The following LINGO2 variants were observed in gnomAD, a reference collection of about 807,000 sequenced individuals.
LINGO2 encodes the protein leucine rich repeat and Ig domain containing 2, also known as leucine-rich repeat and immunoglobulin-like domain-containing nogo receptor-interacting protein 2.
Under a neutral mutation model 30.6 loss-of-function variants are expected in LINGO2, and 14 were observed. The observed-to-expected ratio is 0.46, with a 90% CI of 0.30 to 0.72. The LOEUF (loss-of-function observed/expected upper bound fraction) is 0.72, where lower values mean the gene tolerates loss of function less well. LINGO2 is among the 30% of genes least tolerant of loss of function. LINGO2 has a pLI of 0.07. For missense variants in LINGO2, 729 were observed against 751.7 expected (o/e 0.97, Z 0.35); for synonymous variants, 317 against 288.5 (o/e 1.10, Z -1.00).
At position 28,555,887 on chromosome 9, in the gene LINGO2, A is replaced by C. The variant is rs905632429; in HGVS notation, c.-364-79862T>G. Among the ~76,000 whole-genome samples the C allele has an allele frequency of 1.3e-3, 201 of 152,218 alleles. 1 individual carries two copies. The highest frequency in any genetic ancestry group is 2.1e-3 in the Non-Finnish European group (144 of 68,016). ...TAATCCAGCATATAAACAGAACCAA[A>C]GACAAAAACCACGATTATCTCAATA... On this transcript the variant is annotated intron_variant, in intron 1 of 5. Coordinates refer to ENST00000379992, the Ensembl canonical transcript of LINGO2.
At chr9:28,716,147 A>G in the LINGO2 span, among the ~76,000 whole-genome samples, 9 of 152,006 alleles carry the variant, frequency 5.9e-5, no homozygotes, top group South Asian at 8.3e-4. Flanking sequence ...ATGCCTTCAA[A>G]ACTTTTTCAG....
intron 4 of LINGO2, among the ~76,000 whole-genome samples, chr9:28,077,246 A>G (rs1282296844): frequency 6.6e-6 from 1 of 152,244 alleles, no homozygotes; most frequent in Non-Finnish European, 1.5e-5. Context: ...AAGTACCACA[A>G]AATCTTAGAT....
chr9:28,021,094 C>A (rs1823097055), intron 4 of LINGO2, among the ~76,000 whole-genome samples: 1 of 151,628 alleles, frequency 6.6e-6, no homozygotes. Context: ...GCTTAACTTG[C>A]TCTTTTTTAA....
At chr9:28,684,175 CTTTTTTTT>C in the LINGO2 span, among the ~76,000 whole-genome samples, 7 of 45,438 alleles carry the variant, frequency 1.5e-4, no homozygotes, top group Admixed American at 4.3e-4. Flanking sequence ...AAATGTTTAT[CTTTTTTTT>C]TTTTTTTTTT....
Position 28,188,912 on chromosome 9 carries a change from C to G in LINGO2, c.-87+106296G>C, listed in dbSNP as rs376795940. ...ACTGATTTTGTGAACATAATCCATCCTTAATTGCCTATAAGGGAAAAGCAT... is the reference window on the plus strand; with the variant it reads ...ACTGATTTTGTGAACATAATCCATCGTTAATTGCCTATAAGGGAAAAGCAT... On this transcript the variant is annotated intron_variant, in intron 4 of 5. Coordinates refer to ENST00000379992, the Ensembl canonical transcript of LINGO2. 7.4e-4 allele frequency among the ~76,000 whole-genome samples: 112 copies of G among 152,200 alleles called. 1 individual carries two copies. The South Asian group carries it at 0.016, about 22-fold the overall frequency.
intron 3 of LINGO2, among the ~76,000 whole-genome samples, chr9:28,344,664 C>T (rs1233789347): frequency 6.6e-6 from 1 of 151,712 alleles, no homozygotes; most frequent in Non-Finnish European, 1.5e-5. Flanking sequence ...AAGGGTCATT[C>T]AATTTTAAAA....
chr9:28,004,199 A>G (rs1467921454), intron 5 of LINGO2, among the ~76,000 whole-genome samples: 1 of 152,162 alleles, frequency 6.6e-6, no homozygotes, highest in East Asian at 1.9e-4. Context: ...CTAATCCTAT[A>G]TAATAACAAT....
intron 2 of LINGO2, among the ~76,000 whole-genome samples, chr9:28,445,489 T>G (rs1218471677): frequency 6.6e-6 from 1 of 152,230 alleles, no homozygotes; most frequent in Non-Finnish European, 1.5e-5. Context: ...GAAATAGCTA[T>G]GTACACAGTA....
chr9:28,764,356 T>A, the LINGO2 span, among the ~76,000 whole-genome samples: 1 of 151,930 alleles, frequency 6.6e-6, no homozygotes, highest in Non-Finnish European at 1.5e-5. Flanking sequence ...CTTGAACATA[T>A]GCAAATCAAT....
intron 4 of LINGO2, among the ~76,000 whole-genome samples, chr9:28,287,185 CT>C (rs1398476998): frequency 6.6e-6 from 1 of 152,162 alleles, no homozygotes; most frequent in Non-Finnish European, 1.5e-5. Flanking sequence ...CATAAGAGAA[CT>C]TCTCTGAAAA....
chr9:28,355,298 TG>T (rs1564145555), intron 3 of LINGO2, among the ~76,000 whole-genome samples: 2 of 9,680 alleles, frequency 2.1e-4, no homozygotes, highest in Admixed American at 1.2e-3. Flanking sequence ...TCTCTCTCTA[TG>T]TCTCTCTCTC....
intron 4 of LINGO2, among the ~76,000 whole-genome samples, chr9:28,136,026 A>G (rs1393666994): frequency 6.6e-6 from 1 of 152,182 alleles, no homozygotes; most frequent in Non-Finnish European, 1.5e-5. Flanking sequence ...AGGAAGGTGA[A>G]ATATATTATT....
the LINGO2 span, among the ~76,000 whole-genome samples, chr9:29,157,929 G>GTTTTC: frequency 6.6e-6 from 1 of 151,978 alleles, no homozygotes; most frequent in Non-Finnish European, 1.5e-5. Context: ...CATACAGAAT[G>GTTTTC]TGTATAAAAA....
At chr9:28,029,797 G>C (rs1167646182) in intron 4 of LINGO2, among the ~76,000 whole-genome samples, 1 of 152,130 alleles carries the variant, frequency 6.6e-6, no homozygotes, top group African/African-American at 2.4e-5. Context: ...AATAGTTCCT[G>C]GCATGTACAA....
At chr9:29,011,639 A>G in the LINGO2 span, among the ~76,000 whole-genome samples, 81 of 152,334 alleles carry the variant, frequency 5.3e-4, 1 homozygote, top group African/African-American at 1.9e-3. Context: ...AAAGTTTAAT[A>G]GGTGGCCATG....
chr9:28,651,396 A>G (rs914146103), intron 1 of LINGO2, among the ~76,000 whole-genome samples: 3 of 152,096 alleles, frequency 2.0e-5, no homozygotes, highest in Admixed American at 1.3e-4. Flanking sequence ...AAACAGTAGG[A>G]CAAGACTAGC....
intron 4 of LINGO2, among the ~76,000 whole-genome samples, chr9:28,216,233 C>A (rs1187395298): frequency 1.3e-5 from 2 of 151,832 alleles, no homozygotes; most frequent in Non-Finnish European, 2.9e-5. Flanking sequence ...CCTCATAGTC[C>A]ACAACCCATG....
chr9:28,719,797 T>C, the LINGO2 span, among the ~76,000 whole-genome samples: 1 of 152,040 alleles, frequency 6.6e-6, no homozygotes, highest in South Asian at 2.1e-4. Context: ...ATATTAGAAA[T>C]CAGCATTTTA....
At chr9:29,048,815 C>A in the LINGO2 span, among the ~76,000 whole-genome samples, 1 of 152,108 alleles carries the variant, frequency 6.6e-6, no homozygotes, top group African/African-American at 2.4e-5. Flanking sequence ...AAAATCAAAT[C>A]AAAATGGATT....
Sources: gnomAD v4.1 joint callset for allele counts (sites outside exome capture counted in the v4.1 genomes callset) on GRCh38, gnomAD v4.1.1 for gene constraint, MANE v1.5 for transcripts, NCBI Gene and HGNC (gene_info 2026-07-23, HGNC 2026-07-21) for gene names.